The following DENND4C variants were observed in gnomAD, a reference collection of about 807,000 sequenced individuals.
DENND4C encodes DENN domain-containing protein 4C.
In DENND4C, 108 loss-of-function variants were observed where a neutral mutation model predicts 203.0. The ratio of observed to expected loss-of-function variants is 0.53; its 90% CI spans 0.46 to 0.62. DENND4C has a LOEUF of 0.62. Ranked by LOEUF, DENND4C falls within the 20% of genes least tolerant of loss-of-function variation. DENND4C has a pLI of 0.00. For synonymous variants in DENND4C, 871 were observed against 792.4 expected, an observed-to-expected ratio of 1.10 and a Z score of -1.67; for missense variants, 2,481 against 2,301.2, an observed-to-expected ratio of 1.08 and a Z score of -1.60.
Position 19,287,075 on chromosome 9 carries a change from G to A in DENND4C, c.558+54G>A, listed in dbSNP as rs78996458. On this transcript the variant is annotated intron_variant, in intron 3 of 32. Coordinates refer to ENST00000434457, the MANE Select transcript of DENND4C (RefSeq NM_001330640.2). Reference sequence around the variant, plus strand: ...TTCATATGAAACCAAAAAGGGATACGTTTTGGATTCCTGTTTACTGTTGGG... The same window carrying A: ...TTCATATGAAACCAAAAAGGGATACATTTTGGATTCCTGTTTACTGTTGGG... The A allele has an allele frequency of 8.7e-4, 1,069 of 1,224,102 alleles. 5 individuals carry two copies. In the African/African-American group the frequency reaches 0.014, roughly 16 times the overall value. 75.8% of individuals were successfully genotyped at this position (1,224,102 alleles called of 1,614,324 possible).
In DENND4C at chr9:19,326,163, G is replaced by C; in HGVS notation, c.2089G>C (p.Asp697His). ...VFIMPPEPPP[D>H]DGKDLSPKYS... ...TATAATGCCGCCAGAGCCACCTCCT[G>C]ATGATGGAAAGGACCTGTCACCAAA... The change falls in exon 15 of 33, where the codon GAT becomes CAT. Residue 697 changes from aspartate to histidine, a missense_variant. Asp to His is a moderately conservative substitution (Grantham distance 81). Around this residue, in one of 3 missense-constraint regions of DENND4C, gnomAD observed 2,289 missense variants for 2,113.3 expected, o/e 1.08. Transcript: ENST00000434457. 1 of 1,613,238 alleles carries C rather than the reference G, an allele frequency of 6.2e-7. No homozygotes were observed. Among genetic ancestry groups the C allele is most frequent in the South Asian group, 1.1e-5 (1 of 90,850 alleles).
intron 28 of DENND4C, 108 bp from the exon 29 acceptor site, chr9:19,360,135 TA>T: frequency 8.4e-7 from 1 of 1,186,466 alleles, no homozygotes; most frequent in Non-Finnish European, 1.2e-6. Context: ...GCAATGGTCC[TA>T]AAATAACTGA....
rs1376583940 is a variant in DENND4C at position 19,370,002 on chromosome 9, T to A, written c.5675+15T>A. The stretch of plus-strand genomic sequence containing the variant: ...AAAAGACAAAGGTAATAATCCAGTA[T>A]TTTTTGCTTGCCACCACTCAGTCAT... On this transcript the variant is annotated intron_variant, in intron 31 of 32. Coordinates refer to ENST00000434457, the MANE Select transcript of DENND4C (RefSeq NM_001330640.2). 1 of 1,611,296 alleles carries A rather than the reference T, an allele frequency of 6.2e-7. No individual in the cohort carries two copies. The highest frequency in any genetic ancestry group is 8.5e-7 in the Non-Finnish European group (1 of 1,178,974).
At chr9:19,259,826 C>A (rs1478647614) in intron 1 of DENND4C, among the ~76,000 whole-genome samples, 1 of 152,134 alleles carries the variant, frequency 6.6e-6, no homozygotes, top group African/African-American at 2.4e-5. Flanking sequence ...TTTTCTTTAT[C>A]CATTTGTCTG....
chr9:19,334,709 A>G (rs1297498160), intron 17 of DENND4C, among the ~76,000 whole-genome samples: 1 of 151,874 alleles, frequency 6.6e-6, no homozygotes. Flanking sequence ...TACTGTTAGT[A>G]GAGATGGGGT....
At chr9:19,310,631 T>G (rs1192952197) in intron 10 of DENND4C, among the ~76,000 whole-genome samples, 2 of 152,238 alleles carry the variant, frequency 1.3e-5, no homozygotes, top group Non-Finnish European at 2.9e-5. Context: ...TCTACTTCTA[T>G]GTCATTAAAA....
rs1829178334 is a variant in DENND4C at position 19,373,516 on chromosome 9, T to C, written c.*1343T>C. Reference sequence around the variant, plus strand: ...TTATTCTTGTATATTTAGATTTGTATGCTTGTGAGTAAAAATGTGCATTTG... The same window carrying C: ...TTATTCTTGTATATTTAGATTTGTACGCTTGTGAGTAAAAATGTGCATTTG... On this transcript the variant is annotated 3_prime_UTR_variant, in exon 33 of 33. Coordinates refer to ENST00000434457, the MANE Select transcript of DENND4C (RefSeq NM_001330640.2). 1 of 152,654 alleles carries C rather than the reference T, an allele frequency of 6.6e-6. No homozygotes were observed. 9.5% of individuals were successfully genotyped at this position (152,654 alleles called of 1,614,324 possible).
chr9:19,326,369 A>G, intron 15 of DENND4C, among the ~76,000 whole-genome samples, 175 bp downstream of exon 15: 1 of 152,148 alleles, frequency 6.6e-6, no homozygotes, highest in East Asian at 1.9e-4. Flanking sequence ...TAAGAATTGG[A>G]TGGTATTGTC....
chr9:19,250,378 A>C (rs1826257991), intron 1 of DENND4C, among the ~76,000 whole-genome samples: 2 of 152,072 alleles, frequency 1.3e-5, no homozygotes, highest in Non-Finnish European at 1.5e-5. Flanking sequence ...CAGGAGGTGG[A>C]GGTTGCAGTG....
At chr9:19,343,283 A>G (rs1179576311) in intron 22 of DENND4C, among the ~76,000 whole-genome samples, 2 of 152,160 alleles carry the variant, frequency 1.3e-5, no homozygotes, top group Non-Finnish European at 2.9e-5. Flanking sequence ...AAGTGTTTGT[A>G]CTAAATAACT....
intron 12 of DENND4C, among the ~76,000 whole-genome samples, chr9:19,323,778 T>G (rs961133580): frequency 7.3e-4 from 111 of 152,322 alleles, no homozygotes; most frequent in Admixed American, 6.5e-5. Flanking sequence ...TTAAAAGTTG[T>G]AGAGCTGGAG....
chr9:19,235,018 G>A (rs149578764), intron 1 of DENND4C, among the ~76,000 whole-genome samples: 385 of 150,148 alleles, frequency 2.6e-3, no homozygotes, highest in African/African-American at 9.3e-3. Context: ...CTGGAATGGT[G>A]CAATGGGGTG....
intron 6 of DENND4C, among the ~76,000 whole-genome samples, chr9:19,296,873 C>G (rs10511672): frequency 0.076 from 11,598 of 152,240 alleles, 524 homozygotes; most frequent in South Asian, 0.16. Flanking sequence ...CAAATTCTAA[C>G]CGTAATACCT....
chr9:19,305,668 A>G lies in DENND4C; in HGVS notation c.1487+141A>G, dbSNP rs539652662. The G allele has an allele frequency of 1.1e-5, 8 of 757,686 alleles. No homozygotes were observed. The African/African-American group carries it at 1.4e-4, about 13-fold the overall frequency. The allele number at this position is 757,686 out of a possible 1,614,324, so 46.9% of individuals were successfully genotyped here. ...AAATACAGCAGCTCTCAACCAGGGC[A>G]GGTATCAGAATCTGGGAATGCTGTG... On this transcript the variant is annotated intron_variant, in intron 10 of 32. Transcript: ENST00000434457.
intron 1 of DENND4C, among the ~76,000 whole-genome samples, chr9:19,256,827 T>C (rs965426697): frequency 1.3e-5 from 2 of 151,802 alleles, no homozygotes; most frequent in African/African-American, 4.8e-5. Flanking sequence ...TCCCAGCACT[T>C]TGGGAGGCCG....
intron 10 of DENND4C, among the ~76,000 whole-genome samples, chr9:19,312,732 G>T (rs1428095148): frequency 1.3e-5 from 2 of 152,034 alleles, no homozygotes; most frequent in African/African-American, 2.4e-5. Context: ...CTTAATTAAG[G>T]CTGTGTTATG....
At chr9:19,331,925 C>A in intron 16 of DENND4C, 53 bp from the exon 17 acceptor site, 1 of 1,483,898 alleles carries the variant, frequency 6.7e-7, no homozygotes, top group Non-Finnish European at 9.2e-7. Context: ...CTCACTTCTC[C>A]CCTCACCCTA....
intron 20 of DENND4C, chr9:19,337,673 G>T (rs564617451): frequency 7.8e-7 from 1 of 1,288,444 alleles, no homozygotes; most frequent in Admixed American, 2.3e-5. Flanking sequence ...ACCACATCAG[G>T]TAATTTCCCA....
intron 30 of DENND4C, among the ~76,000 whole-genome samples, chr9:19,364,911 G>GA (rs970037613): frequency 1.6e-4 from 23 of 147,924 alleles, no homozygotes; most frequent in South Asian, 1.3e-3. Context: ...AAAAGAAAAC[G>GA]AAAAAAAAAG....
Sources: gnomAD v4.1 joint callset for allele counts (sites outside exome capture counted in the v4.1 genomes callset) on GRCh38, gnomAD v4.1.1 for gene constraint, gnomAD v4.1.1 regional missense constraint, MANE v1.5 for transcripts, NCBI Gene and HGNC (gene_info 2026-07-23, HGNC 2026-07-21) for gene names.